WHRN: variants seen among roughly 807,000 people sequenced by gnomAD.
WHRN encodes the protein CASK-interacting protein CIP98.
Under a neutral mutation model 68.3 loss-of-function variants are expected in WHRN, and 41 were observed. That is an observed-to-expected ratio of 0.60 (90% CI 0.47 to 0.78). The LOEUF (loss-of-function observed/expected upper bound fraction) is 0.78, where lower values mean the gene tolerates loss of function less well. WHRN is among the 30% of genes least tolerant of loss of function. WHRN has a pLI of 0.00. For missense variants in WHRN, 1,243 were observed against 1,244.7 expected (o/e 1.00, Z 0.02); for synonymous variants, 560 against 561.3 (o/e 1.00, Z 0.03).
intron 7 of WHRN, among the ~76,000 whole-genome samples, chr9:114,418,644 C>T (rs1215537028): frequency 1.3e-5 from 2 of 152,206 alleles, no homozygotes; most frequent in African/African-American, 2.4e-5. Context: ...CCTTATTGGC[C>T]GCCTGGAATT....
intron 3 of WHRN, among the ~76,000 whole-genome samples, chr9:114,433,218 G>A (rs1360433653): frequency 6.6e-6 from 1 of 152,170 alleles, no homozygotes; most frequent in Non-Finnish European, 1.5e-5. Context: ...TGCTGTATTC[G>A]TGCCCGATGA....
At chr9:114,488,570 C>T (rs1842723533) in intron 1 of WHRN, among the ~76,000 whole-genome samples, 1 of 152,098 alleles carries the variant, frequency 6.6e-6, no homozygotes. Flanking sequence ...TTAAAAAGGA[C>T]ATGGGCCTCA....
At chr9:114,408,671 G>A (rs1252696873) in intron 7 of WHRN, among the ~76,000 whole-genome samples, 2 of 152,210 alleles carry the variant, frequency 1.3e-5, no homozygotes, top group Non-Finnish European at 2.9e-5. Flanking sequence ...CAGTTCTCTC[G>A]GCCCTAGAGC....
rs538194131 is a variant in WHRN, at chr9:114,501,185, T to A, written c.618+2999A>T. ...GTCTGTGGACTCTCTGGCCAATTTA[T>A]CAAGCACATTTGGCTAAAAACCTTT... On this transcript the variant is annotated intron_variant, in intron 1 of 11. Transcript: ENST00000362057. 5.9e-5 allele frequency among the ~76,000 whole-genome samples: 9 copies of A among 152,364 alleles called. No homozygotes were observed. In the East Asian group the frequency reaches 7.7e-4, roughly 13 times the overall value.
chr9:114,427,282 G>C (rs1836964536), intron 3 of WHRN, among the ~76,000 whole-genome samples: 1 of 152,162 alleles, frequency 6.6e-6, no homozygotes, highest in South Asian at 2.1e-4. Flanking sequence ...TTTAATGAAG[G>C]AATGTAAAAA....
intron 3 of WHRN, among the ~76,000 whole-genome samples, chr9:114,460,542 TG>T (rs1277593867): frequency 6.6e-6 from 1 of 152,174 alleles, no homozygotes; most frequent in Non-Finnish European, 1.5e-5. Flanking sequence ...GGTTTGAAGC[TG>T]GGGGGCAGGT....
In WHRN at chr9:114,403,344, G is replaced by A. The variant is rs767910166; in HGVS notation, c.2419-5C>T. 16 of 1,613,826 alleles carry A rather than the reference G, an allele frequency of 9.9e-6. No homozygotes were observed. Among genetic ancestry groups the A allele is most frequent in the Non-Finnish European group, 1.4e-5 (16 of 1,180,026 alleles). On this transcript the variant is annotated splice_polypyrimidine_tract_variant and splice_region_variant and intron_variant, in intron 10 of 11. Coordinates refer to ENST00000362057, the MANE Select transcript of WHRN (RefSeq NM_015404.4). Reference sequence around the variant, plus strand: ...CGTGGGCTCCAGAAGTCCAGGCTGTGGGTATTAGGAAGGACACCACTGAGG... The same window carrying A: ...CGTGGGCTCCAGAAGTCCAGGCTGTAGGTATTAGGAAGGACACCACTGAGG...
chr9:114,402,589 C>G lies in WHRN; in HGVS notation c.*165G>C. 1 of 882,048 alleles carries G rather than the reference C, an allele frequency of 1.1e-6. No homozygotes were observed. The highest frequency in any genetic ancestry group is 1.8e-6 in the Non-Finnish European group (1 of 546,858). 54.6% of individuals were successfully genotyped at this position (882,048 alleles called of 1,614,324 possible). ...CCTTCTGTCTGCCTTGTCCTGCTCT[C>G]TTCCTCTCCCAGTTCTGGTCCAGTG... On this transcript the variant is annotated 3_prime_UTR_variant, in exon 12 of 12. Transcript: ENST00000362057.
At chr9:114,415,617 C>T (rs772972271) in intron 7 of WHRN, among the ~76,000 whole-genome samples, 6 of 152,200 alleles carry the variant, frequency 3.9e-5, no homozygotes, top group Non-Finnish European at 7.3e-5. Context: ...CCCTTCAGCC[C>T]GCTTTATCAG....
chr9:114,498,299 G>T (rs1157379267), intron 1 of WHRN, among the ~76,000 whole-genome samples: 1 of 152,172 alleles, frequency 6.6e-6, no homozygotes, highest in Non-Finnish European at 1.5e-5. Flanking sequence ...TGACAAATGG[G>T]CTGCAGGACA....
At chr9:114,406,288 C>G (rs1191506501) in intron 9 of WHRN, 67 bp downstream of exon 9, 2 of 1,604,600 alleles carry the variant, frequency 1.2e-6, no homozygotes, top group African/African-American at 1.3e-5. Flanking sequence ...ACTGTGTCAT[C>G]AGGTAGACTG....
chr9:114,481,287 A>G (rs573325292), intron 1 of WHRN, among the ~76,000 whole-genome samples: 19 of 152,342 alleles, frequency 1.2e-4, no homozygotes, highest in Admixed American at 4.6e-4. Flanking sequence ...GCTAAATCCC[A>G]GTCTCCAGTG....
chr9:114,418,623 C>G (rs553840526), intron 7 of WHRN, among the ~76,000 whole-genome samples: 1 of 152,240 alleles, frequency 6.6e-6, no homozygotes, highest in Non-Finnish European at 1.5e-5. Flanking sequence ...CCCGTACTCC[C>G]TCTGCTCTGG....
At position 114,423,501 on chromosome 9, in the gene WHRN, C is replaced by T; in HGVS notation, c.1439G>A (p.Arg480Lys). Reference protein sequence around the residue: ...HAKFSLLSEVRGTISPQDLER... With the variant: ...HAKFSLLSEVKGTISPQDLER... ...TAGGTCTTGCGGGGAAATGGTGCCT[C>T]TCACCTCAGAGAGGAGTGAGAACTG... The change falls in exon 7 of 12, where the codon AGA becomes AAA. Residue 480 changes from arginine (R) to lysine (K), a missense_variant. Coordinates refer to ENST00000362057, the MANE Select transcript of WHRN (RefSeq NM_015404.4). 6.2e-7 allele frequency: 1 copy of T among 1,611,818 alleles called. No individual in the cohort carries two copies. The highest frequency in any genetic ancestry group is 1.1e-5 in the South Asian group (1 of 91,050).
intron 2 of WHRN, among the ~76,000 whole-genome samples, chr9:114,469,424 C>T (rs1564193221): frequency 6.6e-6 from 1 of 152,208 alleles, no homozygotes; most frequent in Non-Finnish European, 1.5e-5. Context: ...CAGGACGGGA[C>T]ACTGCTCCCC....
At chr9:114,428,028 A>T (rs1228053551) in intron 3 of WHRN, among the ~76,000 whole-genome samples, 7 of 152,312 alleles carry the variant, frequency 4.6e-5, no homozygotes, top group East Asian at 3.9e-4. Context: ...AGTAGGAATT[A>T]AAAAAATCAT....
intron 1 of WHRN, among the ~76,000 whole-genome samples, chr9:114,500,191 C>A (rs538605760): frequency 4.4e-4 from 67 of 152,246 alleles, no homozygotes; most frequent in Middle Eastern, 3.4e-3. Context: ...AATAAGTGAG[C>A]TTTTCTACAT....
chr9:114,503,046 G>C, intron 1 of WHRN: 1 of 835,264 alleles, frequency 1.2e-6, no homozygotes, highest in Non-Finnish European at 1.4e-6. Flanking sequence ...TTGATGGGCT[G>C]GGAAGCAAAT....
chr9:114,437,483 T>G (rs765259745), intron 3 of WHRN, among the ~76,000 whole-genome samples: 4 of 152,204 alleles, frequency 2.6e-5, no homozygotes, highest in Non-Finnish European at 5.9e-5. Context: ...ATGGGCTGAA[T>G]GTTTGTGTCC....
Sources: gnomAD v4.1 joint callset for allele counts (sites outside exome capture counted in the v4.1 genomes callset) on GRCh38, gnomAD v4.1.1 for gene constraint, MANE v1.5 for transcripts, NCBI Gene and HGNC (gene_info 2026-07-23, HGNC 2026-07-21) for gene names.